XKR4: variants seen among roughly 807,000 people sequenced by gnomAD.
XKR4 encodes XK-related protein 4.
A neutral mutation model predicts 53.9 loss-of-function variants in XKR4; 12 were observed. The observed-to-expected ratio is 0.22, with a 90% CI of 0.14 to 0.36. The LOEUF (loss-of-function observed/expected upper bound fraction) is 0.36, where lower values mean the gene tolerates loss of function less well. Among genes scored for constraint, XKR4 ranks in the 10% least tolerant of loss-of-function variants. The probability of loss-of-function intolerance (pLI) is 1.00; values close to 1 mark genes in which losing one functional copy is unlikely to be tolerated. For missense variants in XKR4, 799 were observed against 859.5 expected (o/e 0.93, Z 0.88); for synonymous variants, 354 against 362.4 (o/e 0.98, Z 0.26).
chr8:55,113,165 T>A lies in XKR4; in HGVS notation c.806+9871T>A, dbSNP rs577078293. Among the ~76,000 whole-genome samples the A allele has an allele frequency of 2.0e-3, 312 of 152,246 alleles. 1 individual carries two copies. Among genetic ancestry groups the A allele is most frequent in the African/African-American group, 7.2e-3 (301 of 41,552 alleles). ...GATATAATATCTACCTACTTTGAAA[T>A]AAGGTTGGGATCAAATGAGAAAGAG... On this transcript the variant is annotated intron_variant, in intron 1 of 2. Coordinates refer to ENST00000327381, the MANE Select transcript of XKR4 (RefSeq NM_052898.2).
chr8:55,132,073 G>A (rs1021581969), intron 1 of XKR4, among the ~76,000 whole-genome samples: 3 of 152,208 alleles, frequency 2.0e-5, no homozygotes, highest in African/African-American at 7.2e-5. Context: ...GTAACCAGCA[G>A]TCAGCAGTCA....
chr8:55,452,446 C>A (rs1027027083), intron 2 of XKR4: 8 of 625,714 alleles, frequency 1.3e-5, no homozygotes, highest in Non-Finnish European at 2.3e-5. Context: ...GCACTGCCCG[C>A]CCTCGCACCC....
intron 2 of XKR4, among the ~76,000 whole-genome samples, chr8:55,510,531 G>A (rs1311209558): frequency 2.0e-5 from 3 of 152,094 alleles, no homozygotes; most frequent in African/African-American, 7.2e-5. Flanking sequence ...ATCTGATGGA[G>A]TCCTAAACTC....
intron 1 of XKR4, among the ~76,000 whole-genome samples, chr8:55,153,482 A>G (rs957019296): frequency 7.2e-5 from 11 of 152,200 alleles, no homozygotes; most frequent in Non-Finnish European, 1.0e-4. Flanking sequence ...AGAGGAGGAA[A>G]TTAGCATTGC....
chr8:55,365,223 C>A (rs1052333268), intron 2 of XKR4, among the ~76,000 whole-genome samples: 28 of 152,196 alleles, frequency 1.8e-4, no homozygotes, highest in Non-Finnish European at 1.5e-5. Flanking sequence ...GCCTGCTGTG[C>A]GCGCTGGCTG....
chr8:55,168,340 T>C (rs1383051838), intron 1 of XKR4, among the ~76,000 whole-genome samples: 1 of 152,146 alleles, frequency 6.6e-6, no homozygotes, highest in Non-Finnish European at 1.5e-5. Context: ...TGTTTTAAGT[T>C]GGGGAGCAGG....
intron 1 of XKR4, among the ~76,000 whole-genome samples, chr8:55,339,543 C>T (rs1315663924): frequency 6.6e-6 from 1 of 152,180 alleles, no homozygotes; most frequent in Non-Finnish European, 1.5e-5. Flanking sequence ...CCTTCGACTG[C>T]CCCTCAGTCA....
chr8:55,436,941 TG>T (rs1176474354), intron 2 of XKR4, among the ~76,000 whole-genome samples: 2 of 152,354 alleles, frequency 1.3e-5, no homozygotes, highest in East Asian at 3.9e-4. Flanking sequence ...CAGCATGTTT[TG>T]TTACTTCCAT....
intron 1 of XKR4, among the ~76,000 whole-genome samples, chr8:55,203,503 T>C (rs1437907264): frequency 6.6e-6 from 1 of 152,128 alleles, no homozygotes; most frequent in East Asian, 1.9e-4. Flanking sequence ...CTCAGACCTA[T>C]TGAATGAGGA....
chr8:55,127,760 G>A (rs1468629135), intron 1 of XKR4, among the ~76,000 whole-genome samples: 6 of 127,082 alleles, frequency 4.7e-5, no homozygotes, highest in South Asian at 2.6e-4. Flanking sequence ...TCCCCAGTGT[G>A]TGATGTTCCC....
At chr8:55,336,414 C>T (rs1406256016) in intron 1 of XKR4, among the ~76,000 whole-genome samples, 1 of 152,072 alleles carries the variant, frequency 6.6e-6, no homozygotes, top group African/African-American at 2.4e-5. Context: ...TTGGATATGT[C>T]TTTATCAGCA....
At chr8:55,161,334 T>G (rs2306452) in intron 1 of XKR4, 2 of 341,992 alleles carry the variant, frequency 5.8e-6, no homozygotes, top group East Asian at 1.6e-4. Flanking sequence ...GATTTAGACT[T>G]ATTCAAATGT....
intron 2 of XKR4, among the ~76,000 whole-genome samples, chr8:55,425,661 C>T (rs573104409): frequency 1.3e-5 from 2 of 152,290 alleles, no homozygotes; most frequent in South Asian, 4.1e-4. Context: ...ACGTGAGAAA[C>T]CTGGGTGGTC....
intron 1 of XKR4, among the ~76,000 whole-genome samples, chr8:55,324,186 C>G (rs954997118): frequency 1.3e-5 from 2 of 152,186 alleles, no homozygotes; most frequent in African/African-American, 2.4e-5. Context: ...GCCTCAACCT[C>G]CTGAACTCAA....
At chr8:55,478,377 C>T (rs1035151101) in intron 2 of XKR4, among the ~76,000 whole-genome samples, 2 of 151,926 alleles carry the variant, frequency 1.3e-5, no homozygotes, top group African/African-American at 4.8e-5. Context: ...CCAGGCCTGC[C>T]CTAAAAGAGC....
intron 2 of XKR4, among the ~76,000 whole-genome samples, chr8:55,505,980 T>C (rs1270425009): frequency 1.3e-5 from 2 of 152,258 alleles, no homozygotes; most frequent in Admixed American, 6.5e-5. Flanking sequence ...TTTCAAGAGC[T>C]GTCATATGTG....
At chr8:55,271,864 C>T (rs1402545281) in intron 1 of XKR4, among the ~76,000 whole-genome samples, 1 of 152,218 alleles carries the variant, frequency 6.6e-6, no homozygotes, top group Non-Finnish European at 1.5e-5. Flanking sequence ...GCAATCTGAC[C>T]TCCTGCAAGT....
At chr8:55,122,886 C>T (rs897106286) in intron 1 of XKR4, among the ~76,000 whole-genome samples, 42 of 151,902 alleles carry the variant, frequency 2.8e-4, no homozygotes, top group Admixed American at 1.5e-3. Context: ...GGTCTTCCAG[C>T]GAATGAGAGG....
intron 1 of XKR4, among the ~76,000 whole-genome samples, chr8:55,165,565 T>A (rs1817054142): frequency 6.6e-6 from 1 of 152,158 alleles, no homozygotes; most frequent in Non-Finnish European, 1.5e-5. Flanking sequence ...TGTGGTGTCA[T>A]AATCAACATC....
Sources: allele counts gnomAD v4.1 joint callset (sites outside exome capture counted in the v4.1 genomes callset), GRCh38; gene constraint gnomAD v4.1.1; transcripts MANE v1.5; gene names NCBI Gene and HGNC (gene_info 2026-07-23, HGNC 2026-07-21).